SYT14: variants seen among roughly 807,000 people sequenced by gnomAD.
SYT14 encodes the protein synaptotagmin-14.
Under a neutral mutation model 74.2 loss-of-function variants are expected in SYT14, and 32 were observed. The ratio of observed to expected loss-of-function variants is 0.43; its 90% confidence interval spans 0.33 to 0.58. The LOEUF (loss-of-function observed/expected upper bound fraction) is 0.58, where lower values mean the gene tolerates loss of function less well. Among genes scored for constraint, SYT14 ranks in the 20% least tolerant of loss-of-function variants. The probability of loss-of-function intolerance (pLI) is 0.05; values close to 1 mark genes in which losing one functional copy is unlikely to be tolerated. For synonymous variants in SYT14, 298 were observed against 337.7 expected (o/e 0.88, Z 1.29); for missense variants, 791 against 981.8 (o/e 0.81, Z 2.60).
chr1:210,001,733 G>T (rs938806252), intron 2 of SYT14, among the ~76,000 whole-genome samples: 1 of 152,196 alleles, frequency 6.6e-6, no homozygotes, highest in African/African-American at 2.4e-5. Context: ...TATTAAGAAA[G>T]TAATGTTTAA....
At chr1:210,020,871 G>A (rs148672701) in intron 4 of SYT14, among the ~76,000 whole-genome samples, 168 bp from the exon 4 acceptor site, 4 of 152,042 alleles carry the variant, frequency 2.6e-5, no homozygotes, top group Admixed American at 6.5e-5. Flanking sequence ...GTGTGTGTGT[G>A]TATATATGTG....
intron 2 of SYT14, among the ~76,000 whole-genome samples, chr1:210,010,766 G>A (rs1404483247): frequency 6.6e-6 from 1 of 152,196 alleles, no homozygotes; most frequent in Non-Finnish European, 1.5e-5. Flanking sequence ...AAGGAAAACA[G>A]AAGCAGTATG....
chr1:210,083,265 A>G (rs1244970943), intron 5 of SYT14, among the ~76,000 whole-genome samples: 2 of 152,094 alleles, frequency 1.3e-5, no homozygotes, highest in Non-Finnish European at 2.9e-5. Context: ...GAGCTGGGAT[A>G]CAGGCGTGAG....
At chr1:210,106,778 C>A (rs1387463873) in intron 7 of SYT14, among the ~76,000 whole-genome samples, 1 of 152,016 alleles carries the variant, frequency 6.6e-6, no homozygotes, top group African/African-American at 2.4e-5. Context: ...ATCATTCTGC[C>A]CTTGGCCACC....
At chr1:210,097,760 A>AT (rs1433961942) in intron 6 of SYT14, among the ~76,000 whole-genome samples, 1 of 152,100 alleles carries the variant, frequency 6.6e-6, no homozygotes, top group Admixed American at 6.5e-5. Context: ...ATATGTTTTG[A>AT]TTTTCTTATG....
intron 5 of SYT14, among the ~76,000 whole-genome samples, chr1:210,092,602 A>G (rs113668461): frequency 2.6e-5 from 4 of 152,282 alleles, no homozygotes; most frequent in East Asian, 1.9e-4. Context: ...TCTCTTTACT[A>G]TTCTGGAATT....
chr1:210,051,306 A>G (rs2080990759), intron 5 of SYT14, among the ~76,000 whole-genome samples: 1 of 152,212 alleles, frequency 6.6e-6, no homozygotes, highest in Admixed American at 6.5e-5. Context: ...ATAAGGTTGT[A>G]CAGTATACTG....
exon 10 of SYT14, chr1:210,169,707 G>A (rs1417125645): frequency 6.6e-6 from 1 of 152,036 alleles, no homozygotes; most frequent in African/African-American, 2.4e-5. Flanking sequence ...TTTGAAATAA[G>A]AAAGTGTATA....
At chr1:210,002,260 T>G (rs1232465030) in intron 2 of SYT14, among the ~76,000 whole-genome samples, 1 of 152,098 alleles carries the variant, frequency 6.6e-6, no homozygotes, top group Non-Finnish European at 1.5e-5. Context: ...AAAGCCCCCG[T>G]GCACTCTTCC....
intron 7 of SYT14, among the ~76,000 whole-genome samples, chr1:210,126,482 T>C (rs1243599323): frequency 6.6e-6 from 1 of 152,210 alleles, no homozygotes; most frequent in Non-Finnish European, 1.5e-5. Context: ...ATTATATCTT[T>C]GTAACACTAA....
chr1:210,143,344 G>A (rs2082958789), intron 7 of SYT14, among the ~76,000 whole-genome samples: 1 of 152,096 alleles, frequency 6.6e-6, no homozygotes, highest in African/African-American at 2.4e-5. Context: ...TTTAATCTTA[G>A]CCAGAAATGT....
intron 7 of SYT14, among the ~76,000 whole-genome samples, chr1:210,141,952 C>G: frequency 6.6e-6 from 1 of 152,178 alleles, no homozygotes; most frequent in Non-Finnish European, 1.5e-5. Context: ...AGATTTTGCT[C>G]TTATTTTTTC....
intron 2 of SYT14, among the ~76,000 whole-genome samples, chr1:209,987,549 G>A (rs964140449): frequency 6.6e-6 from 1 of 152,188 alleles, no homozygotes; most frequent in Admixed American, 6.5e-5. Context: ...ACAGCACCAA[G>A]CTGTAAAGGA....
At chr1:209,966,051 T>C (rs2079152631) in intron 2 of SYT14, 1 of 409,004 alleles carries the variant, frequency 2.4e-6, no homozygotes, top group Non-Finnish European at 4.8e-6. Context: ...TTGGTATTTT[T>C]AGTAGAGACG....
chr1:209,977,531 G>T (rs1422058921), intron 2 of SYT14, among the ~76,000 whole-genome samples: 1 of 152,084 alleles, frequency 6.6e-6, no homozygotes, highest in Non-Finnish European at 1.5e-5. Flanking sequence ...TTGAATATTG[G>T]TCCCCACTGT....
At chr1:210,069,870 G>T (rs2081362560) in intron 5 of SYT14, among the ~76,000 whole-genome samples, 1 of 151,094 alleles carries the variant, frequency 6.6e-6, no homozygotes, top group African/African-American at 2.4e-5. Context: ...ACGTGATAGT[G>T]TGCAAAATTT....
chr1:210,030,006 C>T (rs189644365), intron 5 of SYT14, among the ~76,000 whole-genome samples: 25 of 152,136 alleles, frequency 1.6e-4, no homozygotes, highest in African/African-American at 5.3e-4. Context: ...TTGATGTAAT[C>T]GCAAATGGAA....
chr1:209,999,120 G>A (rs1022487339), intron 2 of SYT14, among the ~76,000 whole-genome samples: 2 of 152,020 alleles, frequency 1.3e-5, no homozygotes, highest in Non-Finnish European at 2.9e-5. Context: ...TAAAAAGTGG[G>A]CAAAGGAGAT....
intron 7 of SYT14, among the ~76,000 whole-genome samples, chr1:210,131,037 T>G (rs1410664339): frequency 6.6e-6 from 1 of 152,202 alleles, no homozygotes; most frequent in African/African-American, 2.4e-5. Context: ...AATTTGAAAC[T>G]CACGGTATTC....
Sources: allele counts gnomAD v4.1 joint callset (sites outside exome capture counted in the v4.1 genomes callset), GRCh38; gene constraint gnomAD v4.1.1; transcripts MANE v1.5; gene names NCBI Gene and HGNC (gene_info 2026-07-23, HGNC 2026-07-21).